The following ATP6V1C2 variants were observed in gnomAD, a reference collection of about 807,000 sequenced individuals.
The protein encoded by ATP6V1C2 is V-type proton ATPase subunit C 2.
ATP6V1C2 carries 45 observed loss-of-function variants against 56.8 expected under a neutral mutation model. The observed-to-expected ratio is 0.79, with a 90% confidence interval of 0.62 to 1.02. The LOEUF is 1.02. Ranked by LOEUF, ATP6V1C2 falls within the 50% of genes least tolerant of loss-of-function variation. The probability of loss-of-function intolerance (pLI) is 0.00; values close to 1 mark genes in which losing one functional copy is unlikely to be tolerated. For missense variants in ATP6V1C2, 463 were observed against 519.7 expected, an observed-to-expected ratio of 0.89 and a Z score of 1.06; for synonymous variants, 220 against 201.3, an observed-to-expected ratio of 1.09 and a Z score of -0.79.
chr2:10,751,628 A>G (rs2093314355), intron 3 of ATP6V1C2, among the ~76,000 whole-genome samples: 1 of 152,176 alleles, frequency 6.6e-6, no homozygotes, highest in African/African-American at 2.4e-5. Context: ...TTTGGAGTCC[A>G]CATAACGACT....
At chr2:10,768,296 C>T in intron 5 of ATP6V1C2, 1 of 185,540 alleles carries the variant, frequency 5.4e-6, no homozygotes, top group Non-Finnish European at 1.1e-5. Flanking sequence ...CACCTCCCTG[C>T]CCCTGCCAAC....
At chr2:10,758,224 C>T (rs563447274) in intron 4 of ATP6V1C2, among the ~76,000 whole-genome samples, 32 of 152,288 alleles carry the variant, frequency 2.1e-4, no homozygotes, top group African/African-American at 5.8e-4. Flanking sequence ...AACAGAGGAA[C>T]TTTAGCTTAT....
chr2:10,730,941 C>T (rs919241218), intron 3 of ATP6V1C2, among the ~76,000 whole-genome samples: 1 of 151,836 alleles, frequency 6.6e-6, no homozygotes, highest in Non-Finnish European at 1.5e-5. Context: ...GCATGAGCCA[C>T]TGCGCCCTGC....
intron 1 of ATP6V1C2, 109 bp from the exon 2 acceptor site, chr2:10,722,715 G>C (rs998867758): frequency 4.1e-6 from 5 of 1,220,176 alleles, no homozygotes; most frequent in Non-Finnish European, 5.7e-6. Flanking sequence ...TGTCCTTGGA[G>C]CTCATCCTAG....
intron 4 of ATP6V1C2, among the ~76,000 whole-genome samples, chr2:10,761,612 C>G (rs989487486): frequency 1.3e-5 from 2 of 152,212 alleles, no homozygotes; most frequent in Admixed American, 1.3e-4. Context: ...AAACCACAGA[C>G]TAAGATCAGA....
At chr2:10,778,540 G>A (rs1187003880) in intron 11 of ATP6V1C2, 32 bp from the exon 12 acceptor site, 1 of 1,605,818 alleles carries the variant, frequency 6.2e-7, no homozygotes, top group Non-Finnish European at 8.5e-7. Context: ...GGGGTGTTCA[G>A]CAGGGGTCAC....
chr2:10,774,532 G>A (rs1019905799), intron 8 of ATP6V1C2, among the ~76,000 whole-genome samples: 16 of 152,196 alleles, frequency 1.1e-4, no homozygotes, highest in African/African-American at 3.9e-4. Flanking sequence ...TTTGATAAGC[G>A]GGAGCTAAAG....
chr2:10,737,900 G>T (rs1427022265), intron 3 of ATP6V1C2, among the ~76,000 whole-genome samples: 5 of 152,102 alleles, frequency 3.3e-5, no homozygotes, highest in Non-Finnish European at 5.9e-5. Context: ...TGCCACATTG[G>T]CCAGGTTGGT....
chr2:10,722,762 G>A (rs1018696128), intron 1 of ATP6V1C2, 62 bp from the exon 2 acceptor site: 11 of 1,535,044 alleles, frequency 7.2e-6, no homozygotes, highest in Non-Finnish European at 8.9e-6. Context: ...GGTGAGGCGG[G>A]GATATCTGAC....
intron 3 of ATP6V1C2, among the ~76,000 whole-genome samples, chr2:10,735,592 T>A (rs1662205013): frequency 6.6e-6 from 1 of 151,912 alleles, no homozygotes; most frequent in Non-Finnish European, 1.5e-5. Flanking sequence ...GGTCTTTTTT[T>A]TTTTTTTCTC....
intron 8 of ATP6V1C2, among the ~76,000 whole-genome samples, chr2:10,772,945 G>A (rs1664723494): frequency 6.6e-6 from 1 of 152,138 alleles, no homozygotes; most frequent in Admixed American, 6.6e-5. Flanking sequence ...AGAGGGGGAA[G>A]CCAGCCCTGG....
In ATP6V1C2 at chr2:10,763,153, C is replaced by T. The variant is rs1408243524; in HGVS notation, c.284-1178C>T. On this transcript the variant is annotated intron_variant, in intron 4 of 13. Coordinates refer to ENST00000272238, the MANE Select transcript of ATP6V1C2 (RefSeq NM_001039362.2). The surrounding 1 kb of genome is among the most constrained non-coding windows in gnomAD (Gnocchi z 4.2). ...GTGACCGATCCTACCCCTTTCTGTT[C>T]AGCATCCGTCCACACTCCCTCTTCC... 6.6e-6 allele frequency among the ~76,000 whole-genome samples: 1 copy of T among 152,122 alleles called. No individual in the cohort carries two copies. Among genetic ancestry groups the T allele is most frequent in the Non-Finnish European group, 1.5e-5 (1 of 68,000 alleles).
chr2:10,756,078 C>T (rs555850443), intron 4 of ATP6V1C2, among the ~76,000 whole-genome samples: 50 of 152,212 alleles, frequency 3.3e-4, no homozygotes, highest in Non-Finnish European at 5.9e-4. Flanking sequence ...TTATACTGGG[C>T]CAGTGTGGTG....
rs370331361 is a variant in ATP6V1C2, at chr2:10,771,858, A to G, written c.490A>G (p.Thr164Ala). ...KKSMGNLFTRTLSDIVSKEDF... is the reference protein window; with the variant it reads ...KKSMGNLFTRALSDIVSKEDF... ...TTTTAGGGGGAACCTCTTCACCCGG[A>G]CACTGAGTGATATTGTGAGCAAAGA... Residue 164 changes from threonine (T) to alanine (A), a missense_variant, in exon 7 of 14, where the codon ACA (threonine) becomes GCA (alanine). Transcript: ENST00000272238. 6.2e-7 allele frequency: 1 copy of G among 1,614,036 alleles called. No homozygotes were observed. Among genetic ancestry groups the G allele is most frequent in the Non-Finnish European group, 8.5e-7 (1 of 1,179,968 alleles).
At chr2:10,772,461 G>C (rs1313555339) in intron 7 of ATP6V1C2, 81 bp from the exon 8 acceptor site, 1 of 1,184,704 alleles carries the variant, frequency 8.4e-7, no homozygotes, top group African/African-American at 1.5e-5. Flanking sequence ...TCAGGAAAAG[G>C]GGTGTGCAGC....
At chr2:10,772,681 C>T in intron 8 of ATP6V1C2, 71 bp downstream of exon 8, 1 of 1,330,808 alleles carries the variant, frequency 7.5e-7, no homozygotes. Flanking sequence ...CACCCAACCA[C>T]CAAACATGCC....
chr2:10,731,401 A>G (rs754740697), intron 3 of ATP6V1C2, among the ~76,000 whole-genome samples: 7 of 152,320 alleles, frequency 4.6e-5, no homozygotes, highest in Non-Finnish European at 8.8e-5. Flanking sequence ...TATCCAAGAA[A>G]AAGTGACTTG....
In ATP6V1C2 at chr2:10,784,357, C is replaced by A; in HGVS notation, c.*1094C>A. The A allele has an allele frequency of 6.3e-7, 1 of 1,580,764 alleles. No individual in the cohort carries two copies. Among genetic ancestry groups the A allele is most frequent in the Non-Finnish European group, 8.7e-7 (1 of 1,153,536 alleles). ...AGACGACAGAAAGCCACTGTTAGAT[C>A]TGCAGAAGGGGACACCCTGGAAGGT... On this transcript the variant is annotated 3_prime_UTR_variant, in exon 14 of 14. Coordinates refer to ENST00000272238, the MANE Select transcript of ATP6V1C2 (RefSeq NM_001039362.2).
chr2:10,765,736 A>T (rs934353731), intron 5 of ATP6V1C2, among the ~76,000 whole-genome samples: 1 of 152,118 alleles, frequency 6.6e-6, no homozygotes, highest in Non-Finnish European at 1.5e-5. Flanking sequence ...TCCACCAAGG[A>T]ACTGGAAGCA....
Sources: allele counts gnomAD v4.1 joint callset (sites outside exome capture counted in the v4.1 genomes callset), GRCh38; gene constraint gnomAD v4.1.1; non-coding constraint Gnocchi (gnomAD v3.1); transcripts MANE v1.5; gene names NCBI Gene and HGNC (gene_info 2026-07-23, HGNC 2026-07-21).